Variants in RBFOX1 observed in about 807,000 individuals in gnomAD.
RBFOX1 encodes RNA binding fox-1 homolog 1, also known as RNA binding protein fox-1 homolog 1.
Under a neutral mutation model 57.7 loss-of-function variants are expected in RBFOX1, and 8 were observed. That is an observed-to-expected ratio of 0.14 (90% CI 0.08 to 0.25). The LOEUF (loss-of-function observed/expected upper bound fraction) is 0.25, where lower values mean the gene tolerates loss of function less well. Ranked by LOEUF, RBFOX1 falls within the 10% of genes least tolerant of loss-of-function variation. The pLI is 1.00. For synonymous variants in RBFOX1, 326 were observed against 222.4 expected, an observed-to-expected ratio of 1.47 and a Z score of -4.15; for missense variants, 611 against 548.5, an observed-to-expected ratio of 1.11 and a Z score of -1.14.
chr16:6,006,897 C>A (rs2094930663), intron 4 of RBFOX1, among the ~76,000 whole-genome samples: 1 of 152,216 alleles, frequency 6.6e-6, no homozygotes, highest in African/African-American at 2.4e-5. Context: ...TCTTTTGTCA[C>A]ATGGGTCCGC....
intron 3 of RBFOX1, among the ~76,000 whole-genome samples, chr16:5,811,737 C>A (rs1314442509): frequency 6.6e-6 from 1 of 152,190 alleles, no homozygotes; most frequent in African/African-American, 2.4e-5. Flanking sequence ...ACGTGAGCCA[C>A]CACACTAGGC....
intron 4 of RBFOX1, among the ~76,000 whole-genome samples, chr16:7,487,953 AT>A (rs111764481): frequency 1.3e-5 from 2 of 151,590 alleles, no homozygotes; most frequent in African/African-American, 2.4e-5. Context: ...CTTGGAATGG[AT>A]TTTTTTTTCC....
intron 3 of RBFOX1, among the ~76,000 whole-genome samples, chr16:7,018,780 A>T (rs1266528642): frequency 2.3e-5 from 2 of 85,162 alleles, no homozygotes; most frequent in African/African-American, 3.8e-5. Flanking sequence ...CCTATACCTT[A>T]AAGTATTAAA....
rs71404528 is a variant in RBFOX1 at position 5,525,491 on chromosome 16, A to ATTTTTTTT, written c.258+58254_258+58261dup. Among the ~76,000 whole-genome samples the ATTTTTTTT allele has an allele frequency of 2.0e-3, 159 of 78,276 alleles. 10 individuals are homozygous for ATTTTTTTT. Among genetic ancestry groups the ATTTTTTTT allele is most frequent in the African/African-American group, 7.1e-3 (131 of 18,376 alleles). The allele number at this position is 78,276 out of a possible 152,430, so 51.4% of individuals were successfully genotyped here. A position where few individuals can be genotyped will look rare whatever the true frequency, so the allele number is the denominator to read the frequency against. Reference sequence around the variant, plus strand: ...ATAGGCTGGCTCTAGAGCCGACACTATTTTTTTTTTTTTTTTTTTTTTTTG... The same window carrying ATTTTTTTT: ...ATAGGCTGGCTCTAGAGCCGACACTATTTTTTTTTTTTTTTTTTTTTTTTTTTTTTTTG... On this transcript the variant is annotated intron_variant, in intron 2 of 2. Transcript: ENST00000585867.
At chr16:7,461,249 C>A (rs752563664) in intron 4 of RBFOX1, among the ~76,000 whole-genome samples, 3 of 151,834 alleles carry the variant, frequency 2.0e-5, no homozygotes, top group Admixed American at 6.6e-5. Flanking sequence ...CTCACTGCAA[C>A]CTCCACCTCC....
intron 4 of RBFOX1, among the ~76,000 whole-genome samples, chr16:5,906,549 C>G (rs994453284): frequency 1.3e-5 from 2 of 152,058 alleles, no homozygotes; most frequent in Admixed American, 6.6e-5. Context: ...AGCTCCCTGT[C>G]TGCAGGACTT....
At chr16:7,534,342 C>T (rs992686290) in intron 5 of RBFOX1, among the ~76,000 whole-genome samples, 6 of 152,006 alleles carry the variant, frequency 3.9e-5, no homozygotes, top group Non-Finnish European at 8.8e-5. Flanking sequence ...ATCCGCCCGT[C>T]TCAGCCTACC....
At chr16:6,160,559 A>C (rs534272581) in intron 1 of RBFOX1, among the ~76,000 whole-genome samples, 1 of 152,158 alleles carries the variant, frequency 6.6e-6, no homozygotes, top group Non-Finnish European at 1.5e-5. Flanking sequence ...CAGATCCTGC[A>C]TCTAGATTCT....
intron 3 of RBFOX1, among the ~76,000 whole-genome samples, chr16:6,693,435 C>T (rs547374004): frequency 3.3e-5 from 5 of 151,504 alleles, no homozygotes; most frequent in African/African-American, 1.2e-4. Flanking sequence ...TATCAACATC[C>T]TCCTTCACTA....
chr16:6,616,500 C>A (rs751341863), intron 2 of RBFOX1, among the ~76,000 whole-genome samples: 1 of 151,884 alleles, frequency 6.6e-6, no homozygotes, highest in African/African-American at 2.4e-5. Context: ...CAAGGTGAAA[C>A]CCCGACTCTA....
intron 3 of RBFOX1, among the ~76,000 whole-genome samples, chr16:5,797,133 A>G (rs542618065): frequency 1.3e-5 from 2 of 152,336 alleles, no homozygotes; most frequent in Non-Finnish European, 2.9e-5. Flanking sequence ...GGGACTCTAC[A>G]GTGGTGACAT....
intron 3 of RBFOX1, among the ~76,000 whole-genome samples, chr16:6,788,703 C>A (rs2082390783): frequency 6.6e-6 from 1 of 151,822 alleles, no homozygotes; most frequent in South Asian, 2.1e-4. Flanking sequence ...TCTCTATCTC[C>A]TGATCTCGTG....
intron 4 of RBFOX1, among the ~76,000 whole-genome samples, chr16:7,130,359 A>C (rs1181462978): frequency 6.6e-6 from 1 of 152,164 alleles, no homozygotes; most frequent in Non-Finnish European, 1.5e-5. Context: ...TTTTTAAGCC[A>C]GCTGAATGGG....
At chr16:6,724,088 G>T (rs1055374485) in intron 3 of RBFOX1, among the ~76,000 whole-genome samples, 21 of 152,250 alleles carry the variant, frequency 1.4e-4, no homozygotes, top group African/African-American at 5.1e-4. Flanking sequence ...ATAGTATTAG[G>T]AGGTGATGAG....
chr16:5,746,846 TG>T (rs2053003634), intron 3 of RBFOX1, among the ~76,000 whole-genome samples: 1 of 152,168 alleles, frequency 6.6e-6, no homozygotes, highest in Admixed American at 6.5e-5. Context: ...TGGGCTGAGA[TG>T]GTGGGGTTTT....
At chr16:6,998,617 C>G (rs1313223671) in intron 3 of RBFOX1, among the ~76,000 whole-genome samples, 1 of 152,122 alleles carries the variant, frequency 6.6e-6, no homozygotes, top group Non-Finnish European at 1.5e-5. Context: ...ACTTTTGTTG[C>G]TTTTTGGTGT....
intron 2 of RBFOX1, among the ~76,000 whole-genome samples, chr16:6,632,681 C>T (rs565459342): frequency 6.6e-6 from 1 of 152,194 alleles, no homozygotes; most frequent in African/African-American, 2.4e-5. Context: ...CCGGCGAAGG[C>T]CTTCTTTGGC....
At chr16:6,718,063 C>A (rs569124277) in intron 3 of RBFOX1, among the ~76,000 whole-genome samples, 3 of 152,248 alleles carry the variant, frequency 2.0e-5, no homozygotes, top group African/African-American at 7.2e-5. Context: ...AGGTGCATTT[C>A]TTTGTCTAAT....
At chr16:6,417,825 A>G (rs572750467) in intron 2 of RBFOX1, among the ~76,000 whole-genome samples, 1 of 151,506 alleles carries the variant, frequency 6.6e-6, no homozygotes, top group Non-Finnish European at 1.5e-5. Context: ...TAATCCTAGT[A>G]TCCGTTAGTT....
Sources: allele counts gnomAD v4.1 joint callset (sites outside exome capture counted in the v4.1 genomes callset), GRCh38; gene constraint gnomAD v4.1.1; transcripts MANE v1.5; gene names NCBI Gene and HGNC (gene_info 2026-07-23, HGNC 2026-07-21).